The following LARP4B variants were observed in gnomAD, a reference collection of about 807,000 sequenced individuals.
The protein encoded by LARP4B is la-related protein 4B.
LARP4B carries 12 observed loss-of-function variants against 89.8 expected under a neutral mutation model. The ratio of observed to expected loss-of-function variants is 0.13; its 90% confidence interval spans 0.09 to 0.22. LARP4B has a LOEUF of 0.22. LARP4B is among the 10% of genes least tolerant of loss of function. The pLI is 1.00. For synonymous variants in LARP4B, 367 were observed against 363.3 expected (o/e 1.01, Z -0.12); for missense variants, 757 against 947.7 (o/e 0.80, Z 2.64).
chr10:921,714 C>G (rs1159597663), intron 1 of LARP4B, among the ~76,000 whole-genome samples: 1 of 152,168 alleles, frequency 6.6e-6, no homozygotes, highest in Non-Finnish European at 1.5e-5. Context: ...AATGCTTCTA[C>G]AGTTTATTTG....
intron 9 of LARP4B, 21 bp downstream of exon 9, chr10:830,846 G>T (rs1234563960): frequency 2.0e-6 from 2 of 1,005,298 alleles, no homozygotes; most frequent in Admixed American, 3.6e-5. Context: ...AATTCATAGG[G>T]TGATGGTGGA....
intron 1 of LARP4B, among the ~76,000 whole-genome samples, chr10:889,828 G>A (rs1272135278): frequency 6.6e-6 from 1 of 152,120 alleles, no homozygotes; most frequent in Non-Finnish European, 1.5e-5. Context: ...TGTAATCCCA[G>A]CTACTCAGGA....
chr10:949,801 G>T, the LARP4B span, among the ~76,000 whole-genome samples: 1 of 152,144 alleles, frequency 6.6e-6, no homozygotes, highest in East Asian at 1.9e-4. Flanking sequence ...TTTCTAACTG[G>T]ACTGCACTTT....
At chr10:936,209 A>T (rs76408959), upstream of LARP4B, among the ~76,000 whole-genome samples, 673 of 152,270 alleles carry the variant, frequency 4.4e-3, 20 homozygotes, top group East Asian at 0.077. Context: ...TGCAGAGATC[A>T]GGGGAGCATC....
intron 5 of LARP4B, among the ~76,000 whole-genome samples, chr10:855,031 A>G (rs369386427): frequency 1.3e-5 from 2 of 152,168 alleles, no homozygotes; most frequent in Admixed American, 1.3e-4. Flanking sequence ...AACCTCTGTG[A>G]GCTTCAAACT....
the LARP4B span, among the ~76,000 whole-genome samples, chr10:946,272 A>G: frequency 6.6e-6 from 1 of 152,204 alleles, no homozygotes; most frequent in African/African-American, 2.4e-5. Context: ...AACATTTTGC[A>G]TTCTGTCTGA....
chr10:963,646 A>G, the LARP4B span, among the ~76,000 whole-genome samples: 1 of 152,326 alleles, frequency 6.6e-6, no homozygotes, highest in South Asian at 2.1e-4. Context: ...AATGTAAGGG[A>G]GTGTCTGAGT....
chr10:939,130 GTCAGAGAGGACT>G, the LARP4B span, among the ~76,000 whole-genome samples: 2 of 152,380 alleles, frequency 1.3e-5, no homozygotes, highest in South Asian at 4.1e-4. Flanking sequence ...TCAAAAAGCA[GTCAGAGAGGACT>G]CCACCCTTCC....
chr10:896,964 AT>A (rs1428760788), intron 1 of LARP4B, among the ~76,000 whole-genome samples: 1 of 150,850 alleles, frequency 6.6e-6, no homozygotes, highest in Non-Finnish European at 1.5e-5. Flanking sequence ...TATAATCCCT[AT>A]CAAAATTCAC....
At position 863,841 on chromosome 10, in the gene LARP4B, G is replaced by A; in HGVS notation, c.332C>T (p.Ala111Val). 1 of 1,614,076 alleles carries A rather than the reference G, an allele frequency of 6.2e-7. No homozygotes were observed. Among genetic ancestry groups the A allele is most frequent in the East Asian group, 2.2e-5 (1 of 44,880 alleles). The change falls in exon 5 of 18, where the codon GCC becomes GTC. Residue 111 changes from alanine (A) to valine (V), a missense_variant. By Grantham distance (64) the Ala-to-Val change is moderately conservative. Transcript: ENST00000316157. ...CGACTCCTGCGGGTCTGGCAATGCG[G>A]CATTCTCATGGCCCTGGTCACCATC... is the stretch of plus-strand genomic sequence containing the variant. ...NGDGDQGHEN[A>V]ALPDPQESDP...
Position 829,530 on chromosome 10 carries a change from A to G in LARP4B, c.980T>C (p.Leu327Pro). Residue 327 changes from leucine to proline, a missense_variant, in exon 11 of 18, where the codon CTG becomes CCG. Transcript: ENST00000316157. ...TFLPKNGFRP[L>P]DVSLYAQQRY... ...CTGCTGGGCATACAGGCTCACGTCCAGGGGTCTAAATCCATTCTTTGGCAA... is the reference window on the plus strand; with the variant it reads ...CTGCTGGGCATACAGGCTCACGTCCGGGGGTCTAAATCCATTCTTTGGCAA... The G allele has an allele frequency of 1.2e-6, 2 of 1,614,210 alleles. No homozygotes were observed. The highest frequency in any genetic ancestry group is 1.7e-6 in the Non-Finnish European group (2 of 1,180,040).
At chr10:844,927 T>A in intron 6 of LARP4B, 50 bp downstream of exon 6, 1 of 1,348,170 alleles carries the variant, frequency 7.4e-7, no homozygotes, top group South Asian at 1.2e-5. Flanking sequence ...TTTAACTATT[T>A]GCACAATACT....
At chr10:817,670 G>A (rs778921496) in intron 15 of LARP4B, 55 bp downstream of exon 15, 25 of 1,540,344 alleles carry the variant, frequency 1.6e-5, no homozygotes, top group Middle Eastern at 1.7e-4. Flanking sequence ...CGCCTGACAC[G>A]GAACCCGTAC....
At chr10:909,527 G>C (rs1185163279) in intron 1 of LARP4B, among the ~76,000 whole-genome samples, 1 of 152,064 alleles carries the variant, frequency 6.6e-6, no homozygotes, top group Non-Finnish European at 1.5e-5. Context: ...GCTCATGCCT[G>C]TAATCCTGGC....
chr10:908,581 G>A (rs945327947), intron 1 of LARP4B, among the ~76,000 whole-genome samples: 3 of 152,192 alleles, frequency 2.0e-5, no homozygotes, highest in African/African-American at 7.2e-5. Context: ...GAGACTGAAG[G>A]GGAGGGTGCC....
intron 1 of LARP4B, among the ~76,000 whole-genome samples, chr10:890,098 T>C (rs557505193): frequency 1.3e-5 from 2 of 152,342 alleles, no homozygotes; most frequent in South Asian, 2.1e-4. Flanking sequence ...TAGGTACATC[T>C]GAAAACATAC....
intron 17 of LARP4B, among the ~76,000 whole-genome samples, 167 bp from the exon 18 acceptor site, chr10:813,380 C>T (rs1487574358): frequency 6.6e-6 from 1 of 152,134 alleles, no homozygotes; most frequent in Non-Finnish European, 1.5e-5. Context: ...ATTTAGTTTC[C>T]CCTGCAGCAG....
chr10:817,879 G>T lies in LARP4B; in HGVS notation c.1541C>A (p.Thr514Lys). The T allele has an allele frequency of 6.2e-7, 1 of 1,613,518 alleles. No individual in the cohort carries two copies. Among genetic ancestry groups the T allele is most frequent in the Non-Finnish European group, 8.5e-7 (1 of 1,179,476 alleles). The change falls in exon 15 of 18, where the codon ACA (threonine) becomes AAA (lysine). Residue 514 changes from threonine (T) to lysine (K), a missense_variant. Around this residue, in one of 5 missense-constraint regions of LARP4B, gnomAD observed 387 missense variants for 423.6 expected, o/e 0.91. Transcript: ENST00000316157. ...AGGCTTTGGTGGCGTTGGAGACTGT[G>T]TCTGGCTGCTCTGCAACAGAATGAC... The part of the protein sequence containing the change: ...KREEKFTSSQ[T>K]QSPTPPKPPS...
At chr10:880,394 A>C (rs1016280416) in intron 3 of LARP4B, among the ~76,000 whole-genome samples, 1 of 152,176 alleles carries the variant, frequency 6.6e-6, no homozygotes, top group Non-Finnish European at 1.5e-5. Flanking sequence ...AGTTTAAAAA[A>C]AAAAATTCTG....
Sources: gnomAD v4.1 joint callset for allele counts (sites outside exome capture counted in the v4.1 genomes callset) on GRCh38, gnomAD v4.1.1 for gene constraint, gnomAD v4.1.1 regional missense constraint, MANE v1.5 for transcripts, NCBI Gene and HGNC (gene_info 2026-07-23, HGNC 2026-07-21) for gene names.